The following DCC variants were observed in gnomAD, a reference collection of about 807,000 sequenced individuals.
DCC encodes DCC netrin 1 receptor.
In DCC, 58 loss-of-function variants were observed where a neutral mutation model predicts 172.5. The ratio of observed to expected loss-of-function variants is 0.34; its 90% CI spans 0.27 to 0.42. DCC has a LOEUF of 0.42. Ranked by LOEUF, DCC falls within the 10% of genes least tolerant of loss-of-function variation. The pLI, the probability that DCC is intolerant of heterozygous loss-of-function variation, is 1.00. For missense variants in DCC, 1,740 were observed against 1,791.0 expected (o/e 0.97, Z 0.51); for synonymous variants, 709 against 644.5 (o/e 1.10, Z -1.52).
chr18:53,035,106 A>G (rs1199567578), intron 5 of DCC, among the ~76,000 whole-genome samples: 1 of 152,134 alleles, frequency 6.6e-6, no homozygotes, highest in East Asian at 1.9e-4. Context: ...CATGCATGTA[A>G]TATGTAATGA....
chr18:52,426,297 T>C (rs1301872941), intron 1 of DCC, among the ~76,000 whole-genome samples: 1 of 32,212 alleles, frequency 3.1e-5, no homozygotes, highest in Admixed American at 3.8e-4. Context: ...AGTGCCAGAA[T>C]TTTTTTTTTT....
intron 12 of DCC, among the ~76,000 whole-genome samples, chr18:53,248,170 T>C (rs918023219): frequency 2.0e-5 from 3 of 152,094 alleles, no homozygotes; most frequent in Non-Finnish European, 4.4e-5. Context: ...CCTGCTCTTG[T>C]CTTTCCTAAC....
intron 1 of DCC, among the ~76,000 whole-genome samples, chr18:52,625,374 A>T (rs763653056): frequency 9.9e-5 from 15 of 152,140 alleles, no homozygotes; most frequent in Non-Finnish European, 1.9e-4. Context: ...TTATTCATTT[A>T]TTCACTCAAC....
At chr18:53,032,146 A>T (rs1306798043) in intron 5 of DCC, among the ~76,000 whole-genome samples, 1 of 152,146 alleles carries the variant, frequency 6.6e-6, no homozygotes, top group Non-Finnish European at 1.5e-5. Context: ...TTTTTGAATC[A>T]GTTTATTTTT....
intron 2 of DCC, among the ~76,000 whole-genome samples, chr18:52,879,502 C>T (rs1420690392): frequency 6.9e-6 from 1 of 145,056 alleles, no homozygotes; most frequent in African/African-American, 2.6e-5. Flanking sequence ...CGGCTCACTG[C>T]AACCTCCACC....
rs191325354 is a variant in DCC at position 52,835,874 on chromosome 18, C to T, written c.413-70170C>T. Among the ~76,000 whole-genome samples the T allele has an allele frequency of 5.3e-5, 8 of 152,196 alleles. No individual in the cohort carries two copies. In the East Asian group the frequency reaches 9.6e-4, roughly 18 times the overall value. ...TATTTCAAAAAGATTCAGATGGCAC[C>T]ATGAGAAAAAATAAAATTTGTTATC... On this transcript the variant is annotated intron_variant, in intron 2 of 28. Coordinates refer to ENST00000442544, the MANE Select transcript of DCC (RefSeq NM_005215.4).
intron 7 of DCC, among the ~76,000 whole-genome samples, chr18:53,100,375 C>A (rs1446364034): frequency 1.3e-5 from 2 of 151,990 alleles, no homozygotes; most frequent in Non-Finnish European, 2.9e-5. Flanking sequence ...GATAATAGTT[C>A]TAATTAAAGA....
At chr18:52,861,637 A>G (rs1000216457) in intron 2 of DCC, among the ~76,000 whole-genome samples, 1 of 151,136 alleles carries the variant, frequency 6.6e-6, no homozygotes, top group African/African-American at 2.4e-5. Context: ...ATAAAAAAGA[A>G]TCATTAATAT....
intron 1 of DCC, among the ~76,000 whole-genome samples, chr18:52,693,731 C>CA (rs1568045994): frequency 6.6e-6 from 1 of 151,836 alleles, no homozygotes; most frequent in Non-Finnish European, 1.5e-5. Context: ...CTGCTCAAAA[C>CA]AAAAAAATGC....
chr18:52,786,002 C>T (rs1231209404), intron 2 of DCC, among the ~76,000 whole-genome samples: 2 of 152,086 alleles, frequency 1.3e-5, no homozygotes, highest in Non-Finnish European at 2.9e-5. Flanking sequence ...GCAATGGAAA[C>T]TCTGTGTCCA....
chr18:52,505,055 T>C (rs900353507), intron 1 of DCC, among the ~76,000 whole-genome samples: 1 of 152,118 alleles, frequency 6.6e-6, no homozygotes, highest in Non-Finnish European at 1.5e-5. Context: ...CTCAAGAGTT[T>C]TTACAGAGCA....
At chr18:52,919,643 T>C (rs2040090451) in intron 3 of DCC, among the ~76,000 whole-genome samples, 1 of 152,062 alleles carries the variant, frequency 6.6e-6, no homozygotes. Flanking sequence ...TTCTTTTTTT[T>C]TTTGGCTGAA....
chr18:53,156,323 A>G (rs2054733442), intron 7 of DCC, among the ~76,000 whole-genome samples: 2 of 151,990 alleles, frequency 1.3e-5, no homozygotes, highest in Non-Finnish European at 1.5e-5. Flanking sequence ...ATCTTTACTA[A>G]ATATACAAAA....
intron 8 of DCC, among the ~76,000 whole-genome samples, chr18:53,172,921 T>C (rs1384555874): frequency 1.3e-5 from 2 of 152,154 alleles, no homozygotes; most frequent in Admixed American, 6.6e-5. Context: ...GAATAAATCA[T>C]GTTGCTTTTC....
chr18:53,320,771 G>A (rs1048948153), intron 13 of DCC, among the ~76,000 whole-genome samples: 1 of 152,062 alleles, frequency 6.6e-6, no homozygotes, highest in Non-Finnish European at 1.5e-5. Context: ...CCCTGCTTCA[G>A]GTACTATTGT....
intron 1 of DCC, among the ~76,000 whole-genome samples, chr18:52,563,141 C>T (rs1003518305): frequency 3.3e-5 from 5 of 152,108 alleles, no homozygotes; most frequent in African/African-American, 1.2e-4. Context: ...AAAGTGTCTA[C>T]ACAATGGGAA....
chr18:52,716,505 G>C (rs546919696), intron 1 of DCC, among the ~76,000 whole-genome samples: 3 of 152,314 alleles, frequency 2.0e-5, no homozygotes, highest in Non-Finnish European at 4.4e-5. Flanking sequence ...TGTGGCTTGT[G>C]ATTGAGGTTC....
intron 12 of DCC, among the ~76,000 whole-genome samples, chr18:53,274,289 G>A (rs183232095): frequency 6.6e-6 from 1 of 152,074 alleles, no homozygotes; most frequent in African/African-American, 2.4e-5. Context: ...TGTTTCATGT[G>A]CAGGAGCTAC....
At chr18:53,351,350 C>CTGTGTATATATAT (rs1568074833) in intron 15 of DCC, among the ~76,000 whole-genome samples, 33 of 41,964 alleles carry the variant, frequency 7.9e-4, no homozygotes, top group Non-Finnish European at 1.6e-3. Context: ...TATATATATA[C>CTGTGTATATATAT]ACAGTATATA....
Sources: gnomAD v4.1 joint callset for allele counts (sites outside exome capture counted in the v4.1 genomes callset) on GRCh38, gnomAD v4.1.1 for gene constraint, MANE v1.5 for transcripts, NCBI Gene and HGNC (gene_info 2026-07-23, HGNC 2026-07-21) for gene names.